NOL4: variants seen among roughly 807,000 people sequenced by gnomAD.
NOL4 encodes nucleolar protein 4.
A neutral mutation model predicts 75.9 loss-of-function variants in NOL4; 17 were observed. The ratio of observed to expected loss-of-function variants is 0.22; its 90% CI spans 0.15 to 0.34. The LOEUF (loss-of-function observed/expected upper bound fraction) is 0.34. NOL4 is among the 10% of genes least tolerant of loss of function. The probability of loss-of-function intolerance (pLI) is 1.00; values close to 1 mark genes in which losing one functional copy is unlikely to be tolerated. For missense variants in NOL4, 614 were observed against 793.5 expected (o/e 0.77, Z 2.72); for synonymous variants, 292 against 289.9 (o/e 1.01, Z -0.07).
At chr18:34,107,200 A>G (rs2079330636) in intron 2 of NOL4, among the ~76,000 whole-genome samples, 1 of 152,144 alleles carries the variant, frequency 6.6e-6, no homozygotes, top group Non-Finnish European at 1.5e-5. Flanking sequence ...CTTGTCTAGC[A>G]GCATTTAGCC....
intron 1 of NOL4, among the ~76,000 whole-genome samples, chr18:34,216,082 G>A (rs558279167): frequency 1.3e-5 from 2 of 152,276 alleles, no homozygotes; most frequent in East Asian, 3.9e-4. Flanking sequence ...AGGATCAACT[G>A]TACAGATTTA....
intron 2 of NOL4, among the ~76,000 whole-genome samples, chr18:34,124,905 CA>C (rs11332460): frequency 0.4 from 59,009 of 147,368 alleles, 11,821 homozygotes; most frequent in East Asian, 0.49. Flanking sequence ...AAAACTGTCT[CA>C]AAAAAAAAAA....
At chr18:34,154,289 G>A (rs1322121151) in intron 1 of NOL4, among the ~76,000 whole-genome samples, 1 of 151,918 alleles carries the variant, frequency 6.6e-6, no homozygotes, top group Non-Finnish European at 1.5e-5. Flanking sequence ...TAAGTATAAA[G>A]TTTAATGAAT....
intron 9 of NOL4, among the ~76,000 whole-genome samples, chr18:33,897,632 G>C (rs2065489369): frequency 6.6e-6 from 1 of 151,998 alleles, no homozygotes; most frequent in Non-Finnish European, 1.5e-5. Flanking sequence ...AGGAGGAAGA[G>C]GAGCAGAAAA....
At chr18:33,867,708 T>C (rs546020012) in intron 10 of NOL4, among the ~76,000 whole-genome samples, 1 of 151,418 alleles carries the variant, frequency 6.6e-6, no homozygotes, top group Non-Finnish European at 1.5e-5. Context: ...AATTGGCTCA[T>C]GCAATTATAT....
At chr18:34,213,017 G>A (rs928578167) in intron 1 of NOL4, among the ~76,000 whole-genome samples, 2 of 152,056 alleles carry the variant, frequency 1.3e-5, no homozygotes, top group African/African-American at 2.4e-5. Context: ...TATGGGGCTC[G>A]TCATGTTCAC....
chr18:33,935,576 A>T (rs1162913173), intron 9 of NOL4, among the ~76,000 whole-genome samples: 2 of 152,126 alleles, frequency 1.3e-5, no homozygotes, highest in African/African-American at 4.8e-5. Context: ...ACTATAGCAG[A>T]TATAATCATG....
intron 8 of NOL4, among the ~76,000 whole-genome samples, chr18:33,954,044 T>A (rs905361513): frequency 2.0e-5 from 3 of 152,132 alleles, no homozygotes; most frequent in Non-Finnish European, 4.4e-5. Context: ...GAGTCATCCT[T>A]TGGTATCTGT....
intron 1 of NOL4, among the ~76,000 whole-genome samples, chr18:34,141,646 G>C (rs1467577088): frequency 6.6e-6 from 1 of 152,144 alleles, no homozygotes; most frequent in Non-Finnish European, 1.5e-5. Flanking sequence ...AAAGCTGAAA[G>C]TGGATGCCTT....
intron 10 of NOL4, among the ~76,000 whole-genome samples, chr18:33,875,051 C>T (rs919577157): frequency 6.6e-6 from 1 of 151,994 alleles, no homozygotes; most frequent in African/African-American, 2.4e-5. Context: ...TGTATATCAG[C>T]CCAGTTTATA....
chr18:34,119,672 A>C (rs1161651537), intron 2 of NOL4, among the ~76,000 whole-genome samples: 1 of 151,934 alleles, frequency 6.6e-6, no homozygotes, highest in Non-Finnish European at 1.5e-5. Flanking sequence ...CCCACGCTGG[A>C]GTGCAGTGGC....
chr18:33,951,387 T>C (rs962686970), intron 8 of NOL4, among the ~76,000 whole-genome samples: 2 of 152,186 alleles, frequency 1.3e-5, no homozygotes, highest in Non-Finnish European at 2.9e-5. Context: ...TGTTATTTCT[T>C]TCTGGTACAT....
chr18:33,869,054 A>G (rs75215183), intron 10 of NOL4, among the ~76,000 whole-genome samples: 1,579 of 152,040 alleles, frequency 0.01, 12 homozygotes, highest in Non-Finnish European at 0.015. Context: ...ATCACTATCA[A>G]TAACCTAACA....
intron 5 of NOL4, among the ~76,000 whole-genome samples, chr18:34,069,582 T>G (rs2077422811): frequency 6.6e-6 from 1 of 152,098 alleles, no homozygotes; most frequent in South Asian, 2.1e-4. Context: ...TTAATGCATT[T>G]AGGCATATCA....
chr18:34,203,717 T>TCTCACA lies in NOL4; in HGVS notation c.264+19272_264+19273insTGTGAG, dbSNP rs1261546835. Among the ~76,000 whole-genome samples, 613 of 72,278 alleles carry TCTCACA rather than the reference T, an allele frequency of 8.5e-3. 8 individuals carry two copies. The highest frequency in any genetic ancestry group is 0.015 in the African/African-American group (297 of 20,150). 47.4% of individuals were successfully genotyped at this position (72,278 alleles called of 152,430 possible). ...CTCTCTCTCTCTCTCTCTCTCTCTCTCACACACACACACACACACACACAC... is the reference window on the plus strand; with the variant it reads ...CTCTCTCTCTCTCTCTCTCTCTCTCTCTCACACACACACACACACACACACACACAC... On this transcript the variant is annotated intron_variant, in intron 1 of 10. Transcript: ENST00000261592.
intron 6 of NOL4, among the ~76,000 whole-genome samples, chr18:33,983,239 A>G (rs1421651601): frequency 6.6e-6 from 1 of 152,118 alleles, no homozygotes; most frequent in Non-Finnish European, 1.5e-5. Context: ...AGATACTGAA[A>G]CTATTTTATA....
At chr18:34,036,723 A>G (rs1308485528) in intron 5 of NOL4, among the ~76,000 whole-genome samples, 1 of 152,204 alleles carries the variant, frequency 6.6e-6, no homozygotes, top group African/African-American at 2.4e-5. Flanking sequence ...CAGGAGTTCA[A>G]GACTAGCCTG....
intron 5 of NOL4, among the ~76,000 whole-genome samples, chr18:34,068,226 C>T (rs973073584): frequency 1.3e-5 from 2 of 152,012 alleles, no homozygotes; most frequent in African/African-American, 2.4e-5. Flanking sequence ...GACTAGGTGA[C>T]AGTTCACTGT....
chr18:33,952,464 T>C (rs1205155675), intron 8 of NOL4, among the ~76,000 whole-genome samples: 5 of 152,282 alleles, frequency 3.3e-5, no homozygotes, highest in Non-Finnish European at 5.9e-5. Flanking sequence ...TACCATATTA[T>C]ATGCTATACA....
Sources: allele counts gnomAD v4.1 joint callset (sites outside exome capture counted in the v4.1 genomes callset), GRCh38; gene constraint gnomAD v4.1.1; transcripts MANE v1.5; gene names NCBI Gene and HGNC (gene_info 2026-07-23, HGNC 2026-07-21).